Variants in NRG1 observed in about 807,000 individuals in gnomAD.
The protein encoded by NRG1 is neuregulin 1.
A neutral mutation model predicts 63.8 loss-of-function variants in NRG1; 18 were observed. That is an observed-to-expected ratio of 0.28 (90% CI 0.19 to 0.42). The LOEUF (loss-of-function observed/expected upper bound fraction) is 0.42, where lower values mean the gene tolerates loss of function less well. Ranked by LOEUF, NRG1 falls within the 10% of genes least tolerant of loss-of-function variation. The probability of loss-of-function intolerance (pLI) is 1.00; values close to 1 mark genes in which losing one functional copy is unlikely to be tolerated. For missense variants in NRG1, 762 were observed against 814.7 expected (o/e 0.94, Z 0.79); for synonymous variants, 302 against 301.3 (o/e 1.00, Z -0.02).
At chr8:32,696,082 G>T (rs1272768545) in intron 5 of NRG1, among the ~76,000 whole-genome samples, 1 of 152,124 alleles carries the variant, frequency 6.6e-6, no homozygotes, top group Non-Finnish European at 1.5e-5. Flanking sequence ...CCCAGCCCCA[G>T]GTGGAAATGA....
chr8:32,277,138 A>G (rs899005444), intron 1 of NRG1, among the ~76,000 whole-genome samples: 1 of 152,234 alleles, frequency 6.6e-6, no homozygotes, highest in African/African-American at 2.4e-5. Context: ...GCCTCCTGCC[A>G]TTGTAATGTA....
intron 5 of NRG1, among the ~76,000 whole-genome samples, chr8:32,690,187 C>T (rs1811206046): frequency 6.6e-6 from 1 of 152,154 alleles, no homozygotes; most frequent in African/African-American, 2.4e-5. Context: ...AAGCACTTGA[C>T]TCTCTGTTTT....
chr8:31,820,079 A>AT (rs150969975), intron 1 of NRG1, among the ~76,000 whole-genome samples: 31,913 of 152,048 alleles, frequency 0.21, 3,765 homozygotes, highest in Non-Finnish European at 0.25. Flanking sequence ...ATGAACAGTG[A>AT]TTTTTATGTA....
At chr8:32,516,189 C>A (rs572593528) in intron 1 of NRG1, among the ~76,000 whole-genome samples, 2 of 152,210 alleles carry the variant, frequency 1.3e-5, no homozygotes, top group Non-Finnish European at 2.9e-5. Flanking sequence ...TTATTTTTGT[C>A]GACTTTGTCA....
At chr8:32,073,100 T>C (rs1016623509) in intron 1 of NRG1, among the ~76,000 whole-genome samples, 1 of 152,214 alleles carries the variant, frequency 6.6e-6, no homozygotes, top group East Asian at 1.9e-4. Context: ...CTGGCCTCTA[T>C]CTCTGAAGAT....
At chr8:32,366,683 A>G (rs1219380872) in intron 1 of NRG1, among the ~76,000 whole-genome samples, 669 of 17,028 alleles carry the variant, frequency 0.039, 11 homozygotes, top group African/African-American at 0.092. Context: ...GTGTGTATAT[A>G]TATATATATA....
chr8:32,521,378 A>G (rs1006612077), intron 1 of NRG1, among the ~76,000 whole-genome samples: 48 of 152,134 alleles, frequency 3.2e-4, no homozygotes. Flanking sequence ...CATTTTGTAG[A>G]TGTGAAAATT....
At chr8:32,200,348 T>G (rs1843378901) in intron 1 of NRG1, among the ~76,000 whole-genome samples, 2 of 152,232 alleles carry the variant, frequency 1.3e-5, no homozygotes, top group African/African-American at 4.8e-5. Context: ...AGTTGTTCTC[T>G]TAGTGTTCAT....
intron 1 of NRG1, among the ~76,000 whole-genome samples, chr8:31,750,362 T>G (rs1816326875): frequency 6.6e-6 from 1 of 151,878 alleles, no homozygotes; most frequent in Non-Finnish European, 1.5e-5. Flanking sequence ...GGTCCACATA[T>G]GCATGTAAAT....
intron 1 of NRG1, among the ~76,000 whole-genome samples, chr8:32,105,949 A>T (rs1251880491): frequency 6.8e-6 from 1 of 146,070 alleles, no homozygotes; most frequent in Non-Finnish European, 1.5e-5. Context: ...GTGGAAATTC[A>T]TCTGGAAACT....
chr8:31,884,209 T>C (rs1257127699), intron 1 of NRG1, among the ~76,000 whole-genome samples: 1 of 152,086 alleles, frequency 6.6e-6, no homozygotes, highest in Non-Finnish European at 1.5e-5. Context: ...GCATTAGAAA[T>C]TATTTATTTT....
intron 1 of NRG1, among the ~76,000 whole-genome samples, chr8:32,106,790 C>T (rs999353465): frequency 2.0e-5 from 3 of 152,148 alleles, no homozygotes; most frequent in African/African-American, 4.8e-5. Flanking sequence ...TGTACATAGA[C>T]TTTTGTCAAA....
At chr8:32,385,732 C>T (rs1810935021) in intron 1 of NRG1, among the ~76,000 whole-genome samples, 1 of 152,096 alleles carries the variant, frequency 6.6e-6, no homozygotes, top group Non-Finnish European at 1.5e-5. Flanking sequence ...CCACCAGGCC[C>T]CATCTTCAAC....
intron 1 of NRG1, among the ~76,000 whole-genome samples, chr8:32,569,344 T>C (rs1191635314): frequency 6.6e-6 from 1 of 152,194 alleles, no homozygotes; most frequent in East Asian, 1.9e-4. Flanking sequence ...CCACCGTGCC[T>C]GGCCAGGCCA....
At chr8:32,709,691 G>A (rs954245706) in intron 5 of NRG1, among the ~76,000 whole-genome samples, 10 of 152,068 alleles carry the variant, frequency 6.6e-5, no homozygotes, top group African/African-American at 2.4e-4. Context: ...AAAGTGCTGG[G>A]ATAATAGGTG....
chr8:31,691,103 G>A (rs2131126290), intron 1 of NRG1, among the ~76,000 whole-genome samples: 1 of 152,296 alleles, frequency 6.6e-6, no homozygotes, highest in South Asian at 2.1e-4. Flanking sequence ...CAACCAAAGA[G>A]AGTAAGCTGG....
intron 1 of NRG1, among the ~76,000 whole-genome samples, chr8:31,649,156 T>C (rs1804598428): frequency 6.6e-6 from 1 of 152,158 alleles, no homozygotes; most frequent in African/African-American, 2.4e-5. Flanking sequence ...GGTTTCACCA[T>C]GTTGGCCAGG....
intron 1 of NRG1, among the ~76,000 whole-genome samples, chr8:31,857,264 A>G (rs933856944): frequency 6.6e-6 from 1 of 152,036 alleles, no homozygotes; most frequent in African/African-American, 2.4e-5. Context: ...AATCAGCAAG[A>G]CTCCGTGGGT....
chr8:32,668,617 T>C (rs890817142), intron 5 of NRG1, among the ~76,000 whole-genome samples: 1 of 152,218 alleles, frequency 6.6e-6, no homozygotes, highest in Admixed American at 6.5e-5. Flanking sequence ...CTGGTCATAT[T>C]TTAGCATAAT....
Sources: gnomAD v4.1 joint callset for allele counts (sites outside exome capture counted in the v4.1 genomes callset) on GRCh38, gnomAD v4.1.1 for gene constraint, MANE v1.5 for transcripts, NCBI Gene and HGNC (gene_info 2026-07-23, HGNC 2026-07-21) for gene names.